HIPK3: variants seen among roughly 807,000 people sequenced by gnomAD.
The protein encoded by HIPK3 is homeodomain interacting protein kinase 3, also known as homeodomain-interacting protein kinase 3.
A neutral mutation model predicts 124.2 loss-of-function variants in HIPK3; 47 were observed. That is an observed-to-expected ratio of 0.38 (90% CI 0.30 to 0.48). The LOEUF (loss-of-function observed/expected upper bound fraction) is 0.48, where lower values mean the gene tolerates loss of function less well. Among genes scored for constraint, HIPK3 ranks in the 20% least tolerant of loss-of-function variants. The probability of loss-of-function intolerance (pLI) is 0.98; values close to 1 mark genes in which losing one functional copy is unlikely to be tolerated. For missense variants in HIPK3, 1,286 were observed against 1,454.3 expected (o/e 0.88, Z 1.88); for synonymous variants, 482 against 515.2 (o/e 0.94, Z 0.87).
chr11:33,311,199 T>C (rs1349978986), intron 2 of HIPK3, among the ~76,000 whole-genome samples: 1 of 152,222 alleles, frequency 6.6e-6, no homozygotes, highest in Non-Finnish European at 1.5e-5. Context: ...TGTTTTTTGT[T>C]TTTTTGAGAT....
At chr11:33,315,610 G>A (rs1158851268) in intron 2 of HIPK3, among the ~76,000 whole-genome samples, 1 of 152,160 alleles carries the variant, frequency 6.6e-6, no homozygotes, top group Non-Finnish European at 1.5e-5. Flanking sequence ...CTGTCTGCCT[G>A]CCTTGGCCTC....
chr11:33,308,033 T>G (rs1359321339), intron 2 of HIPK3, among the ~76,000 whole-genome samples: 2 of 152,234 alleles, frequency 1.3e-5, no homozygotes, highest in African/African-American at 2.4e-5. Context: ...TCCTGTTTCC[T>G]TTTTAAAGCT....
intron 1 of HIPK3, among the ~76,000 whole-genome samples, chr11:33,278,784 C>T (rs1565059044): frequency 6.6e-6 from 1 of 151,610 alleles, no homozygotes; most frequent in African/African-American, 2.4e-5. Context: ...GTGGAGCTTG[C>T]AGTGAGCAGA....
At chr11:33,277,689 A>C (rs755970025) in intron 1 of HIPK3, among the ~76,000 whole-genome samples, 3 of 152,198 alleles carry the variant, frequency 2.0e-5, no homozygotes, top group Non-Finnish European at 4.4e-5. Context: ...CTCTAGATGG[A>C]GTATACACCT....
At chr11:33,278,700 C>T (rs1435709882) in intron 1 of HIPK3, among the ~76,000 whole-genome samples, 3 of 151,906 alleles carry the variant, frequency 2.0e-5, no homozygotes, top group Non-Finnish European at 2.9e-5. Context: ...AAAAATTAGC[C>T]GGGCGTGGTG....
intron 2 of HIPK3, among the ~76,000 whole-genome samples, chr11:33,301,156 TA>T (rs1489307824): frequency 1.3e-5 from 2 of 152,218 alleles, no homozygotes; most frequent in Non-Finnish European, 2.9e-5. Context: ...TTAGCCACAA[TA>T]TGTTACTTAT....
chr11:33,257,952 C>G (rs1321623175), intron 1 of HIPK3, 63 bp downstream of exon 1: 4 of 984,200 alleles, frequency 4.1e-6, no homozygotes. Flanking sequence ...CGTCTGCGGG[C>G]TCCGCGGCCA....
Position 33,347,412 on chromosome 11 carries a change from C to G in HIPK3, c.2017C>G (p.Gln673Glu), listed in dbSNP as rs374207916. 1.2e-6 allele frequency: 2 copies of G among 1,613,300 alleles called. No individual in the cohort carries two copies. Among genetic ancestry groups the G allele is most frequent in the Non-Finnish European group, 1.7e-6 (2 of 1,179,860 alleles). The change falls in exon 9 of 17, where the codon CAG (glutamine) becomes GAG (glutamate). Residue 673 changes from glutamine (Q) to glutamate (E), a missense_variant and splice_region_variant. This residue lies in a region of HIPK3 where 810 missense variants were observed against 864.9 expected (regional missense o/e 0.94). Transcript: ENST00000303296. ...PLQIRPGVLS[Q>E]TWSGRTQQML... ...ACAGATCCGACCAGGAGTTCTTTCTCAGGTTGGTAATAATTCATTCTTTGC... is the reference window on the plus strand; with the variant it reads ...ACAGATCCGACCAGGAGTTCTTTCTGAGGTTGGTAATAATTCATTCTTTGC...
At chr11:33,296,519 G>T (rs1851846264) in intron 2 of HIPK3, among the ~76,000 whole-genome samples, 1 of 152,168 alleles carries the variant, frequency 6.6e-6, no homozygotes, top group Non-Finnish European at 1.5e-5. Flanking sequence ...TTTACAAATT[G>T]AAGGTTTGTG....
intron 1 of HIPK3, among the ~76,000 whole-genome samples, chr11:33,278,739 A>G (rs1025662179): frequency 6.6e-6 from 1 of 152,050 alleles, no homozygotes; most frequent in African/African-American, 2.4e-5. Context: ...AGCTACTCGG[A>G]AGGCTGAGGC....
chr11:33,257,978 G>A (rs1435426340), intron 1 of HIPK3, 89 bp downstream of exon 1: 1 of 966,076 alleles, frequency 1.0e-6, no homozygotes, highest in African/African-American at 1.8e-5. Context: ...CCCCAAGCCT[G>A]ACCCGGGCCT....
At chr11:33,314,016 C>T (rs972432297) in intron 2 of HIPK3, among the ~76,000 whole-genome samples, 3 of 151,912 alleles carry the variant, frequency 2.0e-5, no homozygotes, top group African/African-American at 7.3e-5. Flanking sequence ...ATAGATGGGG[C>T]CTTGCTATGT....
chr11:33,331,563 TG>T (rs1251139914), intron 3 of HIPK3, among the ~76,000 whole-genome samples: 1 of 152,072 alleles, frequency 6.6e-6, no homozygotes, highest in Non-Finnish European at 1.5e-5. Flanking sequence ...TTTGTAGAGA[TG>T]GGGTCTCTTT....
chr11:33,338,267 C>G (rs1470211068), intron 4 of HIPK3, among the ~76,000 whole-genome samples: 1 of 152,062 alleles, frequency 6.6e-6, no homozygotes, highest in African/African-American at 2.4e-5. Context: ...CAGAGTCTTA[C>G]TCTGTTGCAA....
At chr11:33,289,069 T>G (rs998063524) in intron 2 of HIPK3, among the ~76,000 whole-genome samples, 1 of 152,156 alleles carries the variant, frequency 6.6e-6, no homozygotes, top group African/African-American at 2.4e-5. Context: ...CTTACACAAA[T>G]CATCTCTAAA....
At chr11:33,265,528 C>G (rs763424603) in intron 1 of HIPK3, among the ~76,000 whole-genome samples, 1 of 151,956 alleles carries the variant, frequency 6.6e-6, no homozygotes, top group Non-Finnish European at 1.5e-5. Flanking sequence ...AATCCCAGCA[C>G]TTTGGGAGGC....
intron 1 of HIPK3, among the ~76,000 whole-genome samples, chr11:33,274,436 T>TA (rs1285898965): frequency 1.3e-5 from 2 of 152,196 alleles, no homozygotes; most frequent in Non-Finnish European, 2.9e-5. Flanking sequence ...GAGTTGTTCA[T>TA]AACCCAAACT....
chr11:33,349,695 C>T (rs1045086147), intron 14 of HIPK3, among the ~76,000 whole-genome samples: 4 of 152,158 alleles, frequency 2.6e-5, no homozygotes, highest in African/African-American at 9.7e-5. Context: ...AACCAGTGCT[C>T]CCACCTTGGC....
At chr11:33,319,302 C>A (rs1377163293) in intron 2 of HIPK3, among the ~76,000 whole-genome samples, 1 of 152,168 alleles carries the variant, frequency 6.6e-6, no homozygotes, top group African/African-American at 2.4e-5. Flanking sequence ...CGAGACCATC[C>A]TGGCCAATAT....
Sources: allele counts gnomAD v4.1 joint callset (sites outside exome capture counted in the v4.1 genomes callset), GRCh38; gene constraint gnomAD v4.1.1; regional missense constraint gnomAD v4.1.1; transcripts MANE v1.5; gene names NCBI Gene and HGNC (gene_info 2026-07-23, HGNC 2026-07-21).